CSMD2: variants seen among roughly 807,000 people sequenced by gnomAD.
CSMD2 encodes CUB and sushi domain-containing protein 2.
CSMD2 carries 130 observed loss-of-function variants against 398.5 expected under a neutral mutation model. The observed-to-expected ratio is 0.33, with a 90% CI of 0.28 to 0.38. The LOEUF (loss-of-function observed/expected upper bound fraction) is 0.38. Ranked by LOEUF, CSMD2 falls within the 10% of genes least tolerant of loss-of-function variation. The probability of loss-of-function intolerance (pLI) is 1.00; values close to 1 mark genes in which losing one functional copy is unlikely to be tolerated. For synonymous variants in CSMD2, 1,828 were observed against 1,908.5 expected, an observed-to-expected ratio of 0.96 and a Z score of 1.10; for missense variants, 3,829 against 4,764.9, an observed-to-expected ratio of 0.80 and a Z score of 5.78.
intron 41 of CSMD2, among the ~76,000 whole-genome samples, chr1:33,609,976 TAA>T (rs2148832964): frequency 1.3e-5 from 2 of 152,302 alleles, no homozygotes; most frequent in African/African-American, 4.8e-5. Flanking sequence ...AGTTCCCTTA[TAA>T]AAGAGGCCTG....
intron 1 of CSMD2, among the ~76,000 whole-genome samples, chr1:34,126,839 G>T (rs371647296): frequency 1.2e-4 from 18 of 151,898 alleles, no homozygotes; most frequent in Admixed American, 7.2e-4. Context: ...GAGAGAGACG[G>T]GCAGGGGAGG....
In CSMD2 at chr1:33,636,578, G is replaced by A. The variant is rs1190065107; in HGVS notation, c.4775-24C>T. On this transcript the variant is annotated intron_variant, in intron 29 of 70. Coordinates refer to ENST00000373381, the MANE Select transcript of CSMD2 (RefSeq NM_001281956.2). The surrounding 1 kb of genome is among the most constrained non-coding windows in gnomAD (Gnocchi z 4.8). ...TTCTGGGAAAAAGAAATACAAACAC[G>A]TGCACACACACAGAGGGCTCATGAG... 1.1e-5 allele frequency: 17 copies of A among 1,605,280 alleles called. No homozygotes were observed. The highest frequency in any genetic ancestry group is 1.6e-4 in the Middle Eastern group (1 of 6,066).
chr1:34,051,224 T>C (rs1364272577), intron 2 of CSMD2, among the ~76,000 whole-genome samples: 1 of 152,242 alleles, frequency 6.6e-6, no homozygotes, highest in African/African-American at 2.4e-5. Context: ...GGCAGGACTA[T>C]TAATGGCTCA....
chr1:33,892,748 T>C (rs995434253), intron 5 of CSMD2, among the ~76,000 whole-genome samples: 12 of 152,258 alleles, frequency 7.9e-5, no homozygotes, highest in African/African-American at 2.4e-4. Context: ...TGGTTTCTTA[T>C]TTTTGCAATT....
At chr1:34,118,899 G>A (rs1053326500) in intron 1 of CSMD2, among the ~76,000 whole-genome samples, 1 of 152,046 alleles carries the variant, frequency 6.6e-6, no homozygotes, top group South Asian at 2.1e-4. Context: ...AAACCCCAAT[G>A]GCACATTTTG....
chr1:33,973,899 A>G (rs519661), intron 3 of CSMD2, among the ~76,000 whole-genome samples: 79,109 of 151,918 alleles, frequency 0.52, 21,443 homozygotes, highest in African/African-American at 0.67. Flanking sequence ...GGTAGGAAGA[A>G]TCAACGGATG....
At chr1:33,916,910 G>A (rs1643750675) in intron 5 of CSMD2, among the ~76,000 whole-genome samples, 1 of 152,130 alleles carries the variant, frequency 6.6e-6, no homozygotes, top group East Asian at 1.9e-4. Context: ...GGGAAGGTGT[G>A]CAATAAACGT....
chr1:33,998,904 C>T (rs1646809180), intron 3 of CSMD2, among the ~76,000 whole-genome samples: 1 of 152,088 alleles, frequency 6.6e-6, no homozygotes, highest in South Asian at 2.1e-4. Context: ...TGTGTGGATG[C>T]CCCCAGAGAG....
chr1:33,992,716 TA>T (rs200509501), intron 3 of CSMD2, among the ~76,000 whole-genome samples: 3,276 of 143,022 alleles, frequency 0.023, 125 homozygotes, highest in African/African-American at 0.078. Flanking sequence ...AAAATAAAAA[TA>T]AAAAAAAAAA....
chr1:33,922,723 C>T (rs538747286), intron 4 of CSMD2, among the ~76,000 whole-genome samples: 3 of 152,070 alleles, frequency 2.0e-5, no homozygotes, highest in African/African-American at 4.8e-5. Flanking sequence ...TCAACTCCTC[C>T]CACACCCCCA....
At chr1:33,804,910 T>C (rs1458741552) in intron 10 of CSMD2, 3 of 717,182 alleles carry the variant, frequency 4.2e-6, no homozygotes, top group Admixed American at 4.0e-5. Flanking sequence ...TGGATCAGGA[T>C]AGGGTTCTCT....
At chr1:34,124,414 G>A (rs963787044) in intron 1 of CSMD2, among the ~76,000 whole-genome samples, 3 of 152,122 alleles carry the variant, frequency 2.0e-5, no homozygotes, top group African/African-American at 7.2e-5. Flanking sequence ...TTGTCTTCTG[G>A]GAGACTGGAC....
At chr1:33,607,035 A>G (rs1225800454) in intron 41 of CSMD2, among the ~76,000 whole-genome samples, 1 of 152,222 alleles carries the variant, frequency 6.6e-6, no homozygotes, top group African/African-American at 2.4e-5. Context: ...CACACTTCCA[A>G]ACAAAGTGCC....
chr1:33,821,775 T>C lies in CSMD2; in HGVS notation c.1112-1219A>G, dbSNP rs145265365. ...GAGGACATAAACCACGGAAGCGGAC[T>C]GTGGGACCACAGTGGGGAGGGATGA... On this transcript the variant is annotated intron_variant, in intron 7 of 70. Transcript: ENST00000373381. Among the ~76,000 whole-genome samples, 629 of 152,304 alleles carry C rather than the reference T, an allele frequency of 4.1e-3. 4 individuals carry two copies. The highest frequency in any genetic ancestry group is 7.1e-3 in the Non-Finnish European group (481 of 68,024).
At chr1:34,018,444 T>A (rs550004340) in intron 3 of CSMD2, among the ~76,000 whole-genome samples, 12 of 152,352 alleles carry the variant, frequency 7.9e-5, no homozygotes, top group Non-Finnish European at 1.6e-4. Flanking sequence ...GACATGAGCA[T>A]TTTATGACTC....
intron 1 of CSMD2, among the ~76,000 whole-genome samples, chr1:34,161,323 G>C (rs1323082974): frequency 1.3e-5 from 2 of 152,228 alleles, no homozygotes; most frequent in Non-Finnish European, 2.9e-5. Context: ...AATTTCAGGA[G>C]AGATGTCTTG....
At position 33,633,021 on chromosome 1, in the gene CSMD2, G is replaced by C. The variant is rs1004337250; in HGVS notation, c.5200+401C>G. Among the ~76,000 whole-genome samples, 4 of 152,212 alleles carry C rather than the reference G, an allele frequency of 2.6e-5. No homozygotes were observed. The highest frequency in any genetic ancestry group is 9.7e-5 in the African/African-American group (4 of 41,446). ...AACGTCGAAGTAGATACAAAGACTG[G>C]AAGGAAATCCACTACATCTTGTCAG... On this transcript the variant is annotated intron_variant, in intron 32 of 70. Transcript: ENST00000373381. The surrounding 1 kb of genome is among the most constrained non-coding windows in gnomAD (Gnocchi z 5.0).
At chr1:34,048,629 G>T (rs1652818626) in intron 2 of CSMD2, among the ~76,000 whole-genome samples, 2 of 152,158 alleles carry the variant, frequency 1.3e-5, no homozygotes, top group South Asian at 2.1e-4. Context: ...AAGAATGGGG[G>T]TCTTCTCCTT....
intron 4 of CSMD2, among the ~76,000 whole-genome samples, chr1:33,935,100 T>C (rs903903863): frequency 6.8e-5 from 10 of 148,090 alleles, no homozygotes; most frequent in African/African-American, 2.5e-4. Context: ...GTGTAAGGAA[T>C]AGGCTGGGAG....
Sources: allele counts gnomAD v4.1 joint callset (sites outside exome capture counted in the v4.1 genomes callset), GRCh38; gene constraint gnomAD v4.1.1; non-coding constraint Gnocchi (gnomAD v3.1); transcripts MANE v1.5; gene names NCBI Gene and HGNC (gene_info 2026-07-23, HGNC 2026-07-21).